The following EBF1 variants were observed in gnomAD, a reference collection of about 807,000 sequenced individuals.
EBF1 encodes transcription factor COE1.
In EBF1, 10 loss-of-function variants were observed where a neutral mutation model predicts 68.4. The observed-to-expected ratio is 0.15, with a 90% confidence interval of 0.09 to 0.25. EBF1 has a LOEUF of 0.25. Among genes scored for constraint, EBF1 ranks in the 10% least tolerant of loss-of-function variants. The pLI is 1.00. For missense variants in EBF1, 509 were observed against 794.4 expected (o/e 0.64, Z 4.32); for synonymous variants, 298 against 299.8 (o/e 0.99, Z 0.06).
chr5:158,794,748 G>A (rs1211603464), intron 9 of EBF1, among the ~76,000 whole-genome samples: 1 of 152,174 alleles, frequency 6.6e-6, no homozygotes, highest in Non-Finnish European at 1.5e-5. Flanking sequence ...CAAGACCTGG[G>A]ACAGTCTGTC....
At chr5:159,057,851 C>G (rs946959408) in intron 6 of EBF1, among the ~76,000 whole-genome samples, 1 of 152,172 alleles carries the variant, frequency 6.6e-6, no homozygotes, top group African/African-American at 2.4e-5. Flanking sequence ...CGTTCTTAAG[C>G]TATTCATTCT....
chr5:158,830,349 C>T (rs575451072), intron 7 of EBF1, among the ~76,000 whole-genome samples: 104 of 152,282 alleles, frequency 6.8e-4, no homozygotes, highest in African/African-American at 2.5e-3. Context: ...CGGCTCACAG[C>T]AACCTCTGCC....
Position 158,696,844 on chromosome 5 carries a change from G to A in EBF1, c.*2267C>T, listed in dbSNP as rs182740201. On this transcript the variant is annotated 3_prime_UTR_variant, in exon 16 of 16. Transcript: ENST00000313708. ...ATGATTTCTTGCTCTACTAGAAAAA[G>A]TTACATTGTCTTAAGGTAACAAAAC... The A allele has an allele frequency of 1.1e-5, 2 of 190,216 alleles. No homozygotes were observed. The highest frequency in any genetic ancestry group is 4.7e-5 in the African/African-American group (2 of 42,144). The allele number at this position is 190,216 out of a possible 1,614,324, so 11.8% of individuals were successfully genotyped here.
intron 4 of EBF1, among the ~76,000 whole-genome samples, chr5:159,093,334 T>A (rs1346310686): frequency 1.3e-5 from 2 of 152,200 alleles, no homozygotes; most frequent in Non-Finnish European, 2.9e-5. Context: ...TTTCCTGATA[T>A]TTTTTAGACT....
At chr5:158,871,621 T>C (rs1254764155) in intron 6 of EBF1, among the ~76,000 whole-genome samples, 2 of 152,136 alleles carry the variant, frequency 1.3e-5, no homozygotes, top group African/African-American at 2.4e-5. Context: ...TGGCCAAGGA[T>C]CTGAAGTCCA....
In EBF1 at chr5:159,097,091, C is replaced by A. The variant is rs200099807; in HGVS notation, c.174G>T (p.Pro58=). Residue 58 remains proline (P), a synonymous_variant, in exon 2 of 16, where the codon CCG becomes CCT. Coordinates refer to ENST00000313708, the MANE Select transcript of EBF1 (RefSeq NM_024007.5). ...AGTTGGATTTCCGCAGATTGGAAGG[C>A]GGCTGCTTCTCAAAGTGAGCCCGGG... The part of the protein sequence containing the change: ...GLARAHFEKQ[P]PSNLRKSNFF... 3.7e-6 allele frequency: 6 copies of A among 1,613,834 alleles called. No individual in the cohort carries two copies. The South Asian group carries it at 5.5e-5, about 15-fold the overall frequency.
At chr5:159,012,946 G>C (rs551549102) in intron 6 of EBF1, among the ~76,000 whole-genome samples, 1 of 152,318 alleles carries the variant, frequency 6.6e-6, no homozygotes, top group South Asian at 2.1e-4. Context: ...ACTGGAAGAA[G>C]ACGGCGTCTA....
At chr5:158,957,850 T>C (rs557967538) in intron 6 of EBF1, among the ~76,000 whole-genome samples, 1 of 152,272 alleles carries the variant, frequency 6.6e-6, no homozygotes, top group South Asian at 2.1e-4. Context: ...CACTCCCAGG[T>C]TTAAATACCT....
intron 6 of EBF1, among the ~76,000 whole-genome samples, chr5:159,041,298 C>T (rs2127776252): frequency 6.6e-6 from 1 of 152,282 alleles, no homozygotes; most frequent in East Asian, 1.9e-4. Context: ...CATATACATA[C>T]CTACCTGAAC....
intron 7 of EBF1, among the ~76,000 whole-genome samples, chr5:158,839,163 A>C (rs1202002807): frequency 2.0e-5 from 3 of 152,254 alleles, no homozygotes; most frequent in African/African-American, 7.2e-5. Context: ...TTCCTTTAGT[A>C]AATGTATAAT....
At chr5:158,986,019 T>C (rs1377210881) in intron 6 of EBF1, 2 of 152,466 alleles carry the variant, frequency 1.3e-5, no homozygotes, top group African/African-American at 4.8e-5. Flanking sequence ...ACCCCAGCAA[T>C]GGCACATCAG....
intron 6 of EBF1, among the ~76,000 whole-genome samples, chr5:158,860,010 A>T (rs1214975410): frequency 1.3e-5 from 2 of 152,250 alleles, no homozygotes; most frequent in Non-Finnish European, 2.9e-5. Context: ...ATAAATGAAC[A>T]TTAGTCTAAT....
At chr5:158,887,230 G>A (rs1800236274) in intron 6 of EBF1, among the ~76,000 whole-genome samples, 2 of 151,922 alleles carry the variant, frequency 1.3e-5, no homozygotes, top group African/African-American at 2.4e-5. Context: ...ATTTTCATTC[G>A]AAAAATATGG....
intron 6 of EBF1, among the ~76,000 whole-genome samples, chr5:159,045,889 G>A (rs1772281420): frequency 6.6e-6 from 1 of 152,110 alleles, no homozygotes; most frequent in Admixed American, 6.5e-5. Context: ...AGGACTGGAG[G>A]AAAAAATGAT....
chr5:158,745,338 A>C (rs1392699032), intron 10 of EBF1, among the ~76,000 whole-genome samples: 1 of 152,216 alleles, frequency 6.6e-6, no homozygotes, highest in African/African-American at 2.4e-5. Flanking sequence ...TAATGGTGTA[A>C]TTACTTCTTG....
intron 5 of EBF1, among the ~76,000 whole-genome samples, chr5:159,083,728 C>T (rs1322269426): frequency 1.3e-5 from 2 of 152,184 alleles, no homozygotes; most frequent in Non-Finnish European, 2.9e-5. Flanking sequence ...ACGGATTGGT[C>T]AGTAATAGTC....
At chr5:158,935,140 A>G (rs1249164492) in intron 6 of EBF1, among the ~76,000 whole-genome samples, 2 of 152,190 alleles carry the variant, frequency 1.3e-5, no homozygotes, top group African/African-American at 4.8e-5. Context: ...TTTGGCCTCA[A>G]TGGAGGTGCT....
Position 158,956,028 on chromosome 5 carries a change from ATGTGTGTGTGTGTG to A in EBF1, c.555-115932_555-115919del, listed in dbSNP as rs56311243. On this transcript the variant is annotated intron_variant, in intron 6 of 15. Transcript: ENST00000313708. ...TACTGCATTAATTAAATAAATATAA[ATGTGTGTGTGTGTG>A]TGTGTGTGTGTGTGTGTGTGTGTGT... is the stretch of plus-strand genomic sequence containing the variant. 3.5e-3 allele frequency among the ~76,000 whole-genome samples: 499 copies of A among 141,142 alleles called. 2 individuals carry two copies. Among genetic ancestry groups the A allele is most frequent in the African/African-American group, 0.011 (431 of 37,532 alleles). 92.6% of individuals were successfully genotyped at this position (141,142 alleles called of 152,430 possible). A position where few individuals can be genotyped will look rare whatever the true frequency, so the allele number is the denominator to read the frequency against.
chr5:158,814,576 C>T (rs1783350841), intron 8 of EBF1, among the ~76,000 whole-genome samples: 1 of 152,146 alleles, frequency 6.6e-6, no homozygotes, highest in South Asian at 2.1e-4. Context: ...ACTAGCCTCC[C>T]TATATCCAAA....
Sources: gnomAD v4.1 joint callset for allele counts (sites outside exome capture counted in the v4.1 genomes callset) on GRCh38, gnomAD v4.1.1 for gene constraint, MANE v1.5 for transcripts, NCBI Gene and HGNC (gene_info 2026-07-23, HGNC 2026-07-21) for gene names.